METTL25: variants seen among roughly 807,000 people sequenced by gnomAD.
The protein encoded by METTL25 is methyltransferase like 25.
Under a neutral mutation model 71.6 loss-of-function variants are expected in METTL25, and 64 were observed. The ratio of observed to expected loss-of-function variants is 0.89; its 90% CI spans 0.73 to 1.10. The LOEUF is 1.10. METTL25 is among the 50% of genes least tolerant of loss of function. METTL25 has a pLI of 0.00. For missense variants in METTL25, 807 were observed against 707.0 expected, an observed-to-expected ratio of 1.14 and a Z score of -1.60; for synonymous variants, 287 against 250.3, an observed-to-expected ratio of 1.15 and a Z score of -1.38.
In METTL25 at chr12:82,443,092, G is replaced by A. The variant is rs373614551; in HGVS notation, c.1478+4301G>A. Among the ~76,000 whole-genome samples, 161 of 152,022 alleles carry A rather than the reference G, an allele frequency of 1.1e-3. 2 individuals carry two copies. The highest frequency in any genetic ancestry group is 3.6e-3 in the African/African-American group (150 of 41,500). Reference sequence around the variant, plus strand: ...AATAGGTTTCATGTATATATTAACTGCAGTCTGAGAAGAAGATGAGACAGT... The same window carrying A: ...AATAGGTTTCATGTATATATTAACTACAGTCTGAGAAGAAGATGAGACAGT... On this transcript the variant is annotated intron_variant, in intron 8 of 11. Transcript: ENST00000248306.
At chr12:82,389,159 G>A (rs1190847448) in intron 2 of METTL25, among the ~76,000 whole-genome samples, 2 of 152,068 alleles carry the variant, frequency 1.3e-5, no homozygotes, top group Non-Finnish European at 2.9e-5. Context: ...AGCATACAGT[G>A]TATACTCGTA....
chr12:82,363,897 G>A (rs1419741147), intron 1 of METTL25, among the ~76,000 whole-genome samples: 2 of 152,136 alleles, frequency 1.3e-5, no homozygotes, highest in Admixed American at 6.5e-5. Context: ...GGGCTAACGT[G>A]TTGGATTTCA....
chr12:82,425,051 A>G (rs748920563), intron 5 of METTL25, among the ~76,000 whole-genome samples: 4 of 152,092 alleles, frequency 2.6e-5, no homozygotes, highest in Non-Finnish European at 5.9e-5. Flanking sequence ...AACTAATACA[A>G]GAATTATCAT....
At chr12:82,456,300 G>T (rs1001128281) in intron 8 of METTL25, among the ~76,000 whole-genome samples, 1 of 151,866 alleles carries the variant, frequency 6.6e-6, no homozygotes, top group South Asian at 2.1e-4. Context: ...TATGGGGCTT[G>T]ATCAATGGCT....
At chr12:82,370,889 G>A (rs1170677263) in intron 1 of METTL25, among the ~76,000 whole-genome samples, 1 of 151,872 alleles carries the variant, frequency 6.6e-6, no homozygotes, top group East Asian at 1.9e-4. Context: ...TCTTCTTTTT[G>A]ATGGCTTCAG....
At chr12:82,387,355 C>G (rs1885137825) in intron 2 of METTL25, among the ~76,000 whole-genome samples, 2 of 151,682 alleles carry the variant, frequency 1.3e-5, no homozygotes, top group African/African-American at 4.8e-5. Context: ...TGGGGAGAAG[C>G]ATGAGTGTCA....
chr12:82,372,720 G>A (rs1883366727), intron 1 of METTL25, among the ~76,000 whole-genome samples: 1 of 152,120 alleles, frequency 6.6e-6, no homozygotes, highest in South Asian at 2.1e-4. Context: ...TGCATTTCAA[G>A]GGTGAGCCTG....
At chr12:82,382,172 T>TC (rs1299243682) in intron 1 of METTL25, among the ~76,000 whole-genome samples, 3 of 152,210 alleles carry the variant, frequency 2.0e-5, no homozygotes, top group Non-Finnish European at 4.4e-5. Context: ...ATTGAAGACA[T>TC]CTGTAGGACA....
chr12:82,374,461 C>T (rs112910921), intron 1 of METTL25, among the ~76,000 whole-genome samples: 2 of 152,034 alleles, frequency 1.3e-5, no homozygotes, highest in Admixed American at 1.3e-4. Context: ...CTGATTGGTG[C>T]GTTTACAGTC....
intron 4 of METTL25, among the ~76,000 whole-genome samples, chr12:82,400,579 T>C (rs1017650202): frequency 3.4e-3 from 14 of 4,096 alleles, no homozygotes; most frequent in Admixed American, 0.032. Context: ...TCAATGACTT[T>C]AGTTTAACTT....
intron 1 of METTL25, among the ~76,000 whole-genome samples, chr12:82,381,619 A>G (rs1481575136): frequency 6.6e-6 from 1 of 152,226 alleles, no homozygotes; most frequent in Non-Finnish European, 1.5e-5. Flanking sequence ...GTATAGGATT[A>G]TGAACAGACT....
At chr12:82,458,630 GA>G (rs1363941442) in intron 9 of METTL25, among the ~76,000 whole-genome samples, 4 of 148,204 alleles carry the variant, frequency 2.7e-5, no homozygotes, top group Admixed American at 6.7e-5. Flanking sequence ...GAATAGTGGA[GA>G]AAAAAAAAAT....
chr12:82,391,724 CT>C (rs58065185), intron 3 of METTL25, among the ~76,000 whole-genome samples: 120,224 of 125,570 alleles, frequency 0.96, 57,591 homozygotes, highest in Middle Eastern at 0.99. Flanking sequence ...TACTGATTTC[CT>C]TTTTTTTTTT....
chr12:82,398,719 A>T, intron 3 of METTL25, 76 bp from the exon 4 acceptor site: 1 of 984,220 alleles, frequency 1.0e-6, no homozygotes, highest in Non-Finnish European at 1.4e-6. Context: ...TCATTTGTTT[A>T]CTTCAAAAAA....
At chr12:82,472,910 G>T (rs1256828689) in intron 9 of METTL25, among the ~76,000 whole-genome samples, 1 of 152,090 alleles carries the variant, frequency 6.6e-6, no homozygotes, top group East Asian at 1.9e-4. Context: ...TCCCTACATT[G>T]GTTTCTATGC....
At position 82,451,653 on chromosome 12, in the gene METTL25, A is replaced by G. The variant is rs1007958159; in HGVS notation, c.1479-5074A>G. 4.6e-5 allele frequency among the ~76,000 whole-genome samples: 7 copies of G among 152,034 alleles called. No individual in the cohort carries two copies. In the East Asian group the frequency reaches 1.3e-3, roughly 29 times the overall value. ...AATTAAACACTGTTTTGTGGAGCCC[A>G]CTCTGAAAAACACAGGAAAATCATG... On this transcript the variant is annotated intron_variant, in intron 8 of 11. Transcript: ENST00000248306.
intron 9 of METTL25, among the ~76,000 whole-genome samples, chr12:82,475,849 A>G (rs1209215656): frequency 6.6e-6 from 1 of 152,062 alleles, no homozygotes; most frequent in African/African-American, 2.4e-5. Flanking sequence ...TATTTACCTT[A>G]TATACTTACC....
intron 5 of METTL25, among the ~76,000 whole-genome samples, chr12:82,424,548 A>G (rs1450224538): frequency 6.8e-6 from 1 of 146,714 alleles, no homozygotes; most frequent in Non-Finnish European, 1.5e-5. Flanking sequence ...AAAACTATAT[A>G]TATATATATA....
At chr12:82,408,071 A>G in intron 5 of METTL25, 1 of 385,018 alleles carries the variant, frequency 2.6e-6, no homozygotes. Context: ...TCTGAATAAT[A>G]ATCTCTAGGC....
Sources: allele counts gnomAD v4.1 joint callset (sites outside exome capture counted in the v4.1 genomes callset), GRCh38; gene constraint gnomAD v4.1.1; transcripts MANE v1.5; gene names NCBI Gene and HGNC (gene_info 2026-07-23, HGNC 2026-07-21).